SLC7A2: variants seen among roughly 807,000 people sequenced by gnomAD.
SLC7A2 encodes solute carrier family 7 member 2, also known as cationic amino acid transporter 2.
A neutral mutation model predicts 58.9 loss-of-function variants in SLC7A2; 48 were observed. The observed-to-expected ratio is 0.82, with a 90% confidence interval of 0.65 to 1.04. The LOEUF is 1.04. Ranked by LOEUF, SLC7A2 falls within the 50% of genes least tolerant of loss-of-function variation. The pLI is 0.00. For synonymous variants in SLC7A2, 363 were observed against 314.5 expected (o/e 1.15, Z -1.63); for missense variants, 1,029 against 818.8 (o/e 1.26, Z -3.13).
chr8:17,495,758 C>T (rs1318532414), upstream of SLC7A2, among the ~76,000 whole-genome samples: 1 of 152,178 alleles, frequency 6.6e-6, no homozygotes, highest in African/African-American at 2.4e-5. Context: ...CCCTGTTGGC[C>T]AGACTGGTCT....
At chr8:17,518,156 C>T (rs1469969021) in intron 2 of SLC7A2, among the ~76,000 whole-genome samples, 1 of 151,350 alleles carries the variant, frequency 6.6e-6, no homozygotes. Context: ...ATCCCCTTTC[C>T]TTTGAATTAC....
chr8:17,540,412 C>G (rs528009630), intron 2 of SLC7A2, among the ~76,000 whole-genome samples: 2 of 152,002 alleles, frequency 1.3e-5, no homozygotes, highest in Non-Finnish European at 2.9e-5. Context: ...CTTTTTTCCC[C>G]AGAGTAACAT....
rs527258419 is a variant in SLC7A2 at position 17,541,219 on chromosome 8, A to G, written c.-22-2099A>G. On this transcript the variant is annotated intron_variant, in intron 2 of 12. Coordinates refer to ENST00000494857, the MANE Select transcript of SLC7A2 (RefSeq NM_001370338.1). ...CTTTCCCATCCCTCCTGGCCCCCTCAGTTGGTTTTTATATAACTTTTTGCT... is the reference window on the plus strand; with the variant it reads ...CTTTCCCATCCCTCCTGGCCCCCTCGGTTGGTTTTTATATAACTTTTTGCT... Among the ~76,000 whole-genome samples the G allele has an allele frequency of 5.9e-5, 9 of 152,258 alleles. No homozygotes were observed. The East Asian group carries it at 1.7e-3, about 29-fold the overall frequency.
In SLC7A2 at chr8:17,565,137, T is replaced by G; in HGVS notation, c.1968T>G (p.Ser656Arg). The change falls in exon 13 of 13, where the codon AGT becomes AGG. Residue 656 changes from serine (S) to arginine (R), a missense_variant. By Grantham distance (110) the Ser-to-Arg change is moderately radical. Coordinates refer to ENST00000494857, the MANE Select transcript of SLC7A2 (RefSeq NM_001370338.1). ...CTTTCATATTCCATGAAAAGACAAG[T>G]GAATTCTAACACTTGCAGGAGCAGA... is the stretch of plus-strand genomic sequence containing the variant. ...SSPFIFHEKTSEF is the reference protein window; with the variant it reads ...SSPFIFHEKTREF The G allele has an allele frequency of 6.2e-7, 1 of 1,612,410 alleles. No homozygotes were observed.
At chr8:17,536,805 G>A (rs1230743773) in intron 2 of SLC7A2, among the ~76,000 whole-genome samples, 1 of 152,134 alleles carries the variant, frequency 6.6e-6, no homozygotes, top group East Asian at 1.9e-4. Flanking sequence ...GGTGAAGCAG[G>A]CCCGCTCAGT....
At chr8:17,559,255 C>T (rs1802849590) in intron 9 of SLC7A2, among the ~76,000 whole-genome samples, 1 of 152,122 alleles carries the variant, frequency 6.6e-6, no homozygotes, top group Non-Finnish European at 1.5e-5. Context: ...AAGACATACC[C>T]AAGACTGGGT....
Position 17,550,394 on chromosome 8 carries a change from C to T in SLC7A2, c.792C>T (p.Cys264=). The change falls in exon 6 of 13, where the codon TGC becomes TGT. Residue 264 remains cysteine (C), a synonymous_variant. Coordinates refer to ENST00000494857, the MANE Select transcript of SLC7A2 (RefSeq NM_001370338.1). ...FTGTLAGAAT[C]FYAFVGFDCI... Reference sequence around the variant, plus strand: ...GAACGTTGGCTGGTGCTGCAACTTGCTTTTATGCCTTTGTGGGATTTGACT... The same window carrying T: ...GAACGTTGGCTGGTGCTGCAACTTGTTTTTATGCCTTTGTGGGATTTGACT... 6.2e-7 allele frequency: 1 copy of T among 1,613,920 alleles called. No homozygotes were observed. The highest frequency in any genetic ancestry group is 8.5e-7 in the Non-Finnish European group (1 of 1,179,938).
chr8:17,561,685 G>A (rs1431574561), intron 10 of SLC7A2, among the ~76,000 whole-genome samples: 1 of 152,198 alleles, frequency 6.6e-6, no homozygotes, highest in African/African-American at 2.4e-5. Context: ...GGCAGATAAT[G>A]CCAGTGAGTA....
intron 2 of SLC7A2, among the ~76,000 whole-genome samples, chr8:17,502,991 T>A (rs1039134540): frequency 3.3e-5 from 5 of 152,004 alleles, no homozygotes; most frequent in African/African-American, 1.2e-4. Context: ...TAAATAAAAT[T>A]TTCACAAATT....
intron 2 of SLC7A2, among the ~76,000 whole-genome samples, chr8:17,542,855 C>T (rs146305084): frequency 3.7e-4 from 56 of 150,342 alleles, no homozygotes; most frequent in Middle Eastern, 7.4e-3. Flanking sequence ...TGAGCTACTC[C>T]GGAGGCTGAG....
chr8:17,511,283 A>T (rs1012130833), intron 2 of SLC7A2: 1 of 152,178 alleles, frequency 6.6e-6, no homozygotes, highest in African/African-American at 2.4e-5. Context: ...AAATCTATAG[A>T]AAAAAGTTAA....
chr8:17,533,937 C>G (rs528764509), intron 2 of SLC7A2, among the ~76,000 whole-genome samples: 1 of 152,172 alleles, frequency 6.6e-6, no homozygotes, highest in African/African-American at 2.4e-5. Flanking sequence ...CTGACAGGCC[C>G]CAGTGTGTGT....
intron 5 of SLC7A2, among the ~76,000 whole-genome samples, chr8:17,549,090 C>G (rs1045296113): frequency 6.6e-6 from 1 of 152,108 alleles, no homozygotes; most frequent in Non-Finnish European, 1.5e-5. Context: ...GAAACTCTCC[C>G]TTATAAAACC....
chr8:17,569,743 T>G lies in SLC7A2; in HGVS notation c.*4597T>G, dbSNP rs951139169. 1 of 152,194 alleles carries G rather than the reference T, an allele frequency of 6.6e-6. No homozygotes were observed. The highest frequency in any genetic ancestry group is 2.4e-5 in the African/African-American group (1 of 41,458). The allele number at this position is 152,194 out of a possible 1,614,324, so 9.4% of individuals were successfully genotyped here. On this transcript the variant is annotated 3_prime_UTR_variant, in exon 13 of 13. Coordinates refer to ENST00000494857, the MANE Select transcript of SLC7A2 (RefSeq NM_001370338.1). ...TATTGCTCAACCCAACTGGTAACAC[T>G]GTTTGCTGGGAGCATTATACTTAAC...
intron 2 of SLC7A2, among the ~76,000 whole-genome samples, chr8:17,515,196 C>T (rs1266548538): frequency 5.8e-4 from 88 of 152,048 alleles, no homozygotes; most frequent in Non-Finnish European, 8.8e-5. Context: ...GTGATACACC[C>T]GGTACTTTTC....
intron 8 of SLC7A2, chr8:17,554,957 CTA>C (rs1340809382): frequency 1.2e-6 from 2 of 1,613,942 alleles, no homozygotes. Context: ...CTTCTGGGCT[CTA>C]TGTTTCCTTT....
intron 5 of SLC7A2, 72 bp from the exon 6 acceptor site, chr8:17,550,229 G>A: frequency 6.9e-7 from 1 of 1,439,238 alleles, no homozygotes; most frequent in Non-Finnish European, 9.6e-7. Flanking sequence ...CAAGGATATA[G>A]TCTGAGAAAA....
chr8:17,545,409 T>C (rs905580199), intron 4 of SLC7A2, among the ~76,000 whole-genome samples: 1 of 139,130 alleles, frequency 7.2e-6, no homozygotes, highest in Admixed American at 7.1e-5. Context: ...TTTTCTTTTT[T>C]TTTTTTTTTT....
At chr8:17,531,432 T>C (rs1042806976) in intron 2 of SLC7A2, among the ~76,000 whole-genome samples, 1 of 152,168 alleles carries the variant, frequency 6.6e-6, no homozygotes, top group East Asian at 1.9e-4. Flanking sequence ...ATGAGTAGTA[T>C]GATATATGTG....
Sources: allele counts gnomAD v4.1 joint callset (sites outside exome capture counted in the v4.1 genomes callset), GRCh38; gene constraint gnomAD v4.1.1; transcripts MANE v1.5; gene names NCBI Gene and HGNC (gene_info 2026-07-23, HGNC 2026-07-21).